Variants in CSN2 observed in about 807,000 individuals in gnomAD.
CSN2 encodes casein beta, also known as beta-casein.
CSN2 carries 27 observed loss-of-function variants against 27.3 expected under a neutral mutation model. That is an observed-to-expected ratio of 0.99 (90% CI 0.73 to 1.36). CSN2 has a LOEUF of 1.36. CSN2 is among the 40% of genes most tolerant of loss of function. CSN2 has a pLI of 0.00. For missense variants in CSN2, 333 were observed against 264.5 expected, an observed-to-expected ratio of 1.26 and a Z score of -1.80; for synonymous variants, 131 against 94.8, an observed-to-expected ratio of 1.38 and a Z score of -2.22.
rs1203185536 is a variant in CSN2, at chr4:69,955,452, A to G, written c.*177T>C. On this transcript the variant is annotated 3_prime_UTR_variant, in exon 8 of 8. Coordinates refer to ENST00000353151, the MANE Select transcript of CSN2 (RefSeq NM_001891.4). ...TAAATAGTTCATGAGTCAAATTTCAAATTAAATGAATGACATAATATATAA... is the reference window on the plus strand; with the variant it reads ...TAAATAGTTCATGAGTCAAATTTCAGATTAAATGAATGACATAATATATAA... The G allele has an allele frequency of 3.3e-5, 5 of 152,478 alleles. No homozygotes were observed. Among genetic ancestry groups the G allele is most frequent in the African/African-American group, 7.2e-5 (3 of 41,434 alleles). The allele number at this position is 152,478 out of a possible 1,614,324, so 9.4% of individuals were successfully genotyped here.
chr4:69,959,667 C>T (rs542000484), intron 3 of CSN2, among the ~76,000 whole-genome samples: 4 of 152,162 alleles, frequency 2.6e-5, no homozygotes, highest in African/African-American at 9.6e-5. Flanking sequence ...TACTACTTAG[C>T]AAGCTCTTAA....
intron 6 of CSN2, among the ~76,000 whole-genome samples, 178 bp from the exon 7 acceptor site, chr4:69,956,533 A>G (rs1380118556): frequency 6.6e-6 from 1 of 151,966 alleles, no homozygotes; most frequent in African/African-American, 2.4e-5. Flanking sequence ...TAAATAAATA[A>G]CCTCTTAGTA....
chr4:69,960,917 G>A (rs371872668), intron 2 of CSN2, 28 bp downstream of exon 2: 1 of 1,602,562 alleles, frequency 6.2e-7, no homozygotes. Context: ...TTTATTGATT[G>A]TTTAGGAATT....
Position 69,957,745 on chromosome 4 carries a change from G to T in CSN2, c.204C>A (p.Phe68Leu). The stretch of plus-strand genomic sequence containing the variant: ...GAAAACCATAGGGGATAGGTTCAAC[G>T]AATGGATAGATCAGAGGCTGTGGCT... Reference protein sequence around the residue: ...SFQPQPLIYPFVEPIPYGFLP... With the variant: ...SFQPQPLIYPLVEPIPYGFLP... The change falls in exon 6 of 8, where the codon TTC becomes TTA. Residue 68 changes from phenylalanine to leucine, a missense_variant. Phe to Leu is a conservative substitution (Grantham distance 22, BLOSUM62 0). Coordinates refer to ENST00000353151, the MANE Select transcript of CSN2 (RefSeq NM_001891.4). 6.2e-7 allele frequency: 1 copy of T among 1,613,946 alleles called. No individual in the cohort carries two copies. Among genetic ancestry groups the T allele is most frequent in the Non-Finnish European group, 8.5e-7 (1 of 1,179,944 alleles).
chr4:69,958,939 C>T lies in CSN2; in HGVS notation c.114G>A (p.Lys38=). ...CTTGCTGCTGGTCCTCATGTTTAAC[C>T]TTCTCAACTTTCTGCTAAAGATATA... is the stretch of plus-strand genomic sequence containing the variant. The part of the protein sequence containing the change: ...SITEYKQKVE[K]VKHEDQQQGE... The change falls in exon 5 of 8, where the codon AAG becomes AAA. Residue 38 remains lysine, a synonymous_variant. Transcript: ENST00000353151. The T allele has an allele frequency of 1.3e-6, 2 of 1,597,456 alleles. No individual in the cohort carries two copies. The highest frequency in any genetic ancestry group is 1.7e-6 in the Non-Finnish European group (2 of 1,168,750).
intron 5 of CSN2, 83 bp from the exon 6 acceptor site, chr4:69,957,887 C>T: frequency 8.2e-7 from 1 of 1,217,570 alleles, no homozygotes; most frequent in South Asian, 1.5e-5. Flanking sequence ...CTCTTTTAGA[C>T]AATGATAAAT....
At chr4:69,962,610 C>T (rs906552384) in intron 1 of CSN2, among the ~76,000 whole-genome samples, 156 of 152,084 alleles carry the variant, frequency 1.0e-3, no homozygotes, top group African/African-American at 3.7e-3. Context: ...ACTTACATGT[C>T]AGACCTAAAA....
In CSN2 at chr4:69,961,027, G is replaced by A. The variant is rs758287932; in HGVS notation, c.-12-20C>T. On this transcript the variant is annotated intron_variant, in intron 1 of 7. Coordinates refer to ENST00000353151, the MANE Select transcript of CSN2 (RefSeq NM_001891.4). ...TAAGTCCTGTGAATGTAGAAAAAAT[G>A]GAATGGTGGAAGATTGGTCAATTGG... The A allele has an allele frequency of 6.3e-7, 1 of 1,582,118 alleles. No individual in the cohort carries two copies. Among genetic ancestry groups the A allele is most frequent in the Non-Finnish European group, 8.7e-7 (1 of 1,151,866 alleles).
chr4:69,957,293 G>T lies in CSN2; in HGVS notation c.656C>A (p.Pro219Gln), dbSNP rs775088838. Reference sequence around the variant, plus strand: ...ACTTACACTAATGGGGTTATGAACTGGGGCAAGTGGCTGAGTCACAGGGTA... The same window carrying T: ...ACTTACACTAATGGGGTTATGAACTTGGGCAAGTGGCTGAGTCACAGGGTA... ...QIYPVTQPLA[P>Q]VHNPISV The change falls in exon 6 of 8, where the codon CCA becomes CAA. Residue 219 changes from proline (P) to glutamine (Q), a missense_variant. By Grantham distance (76) the Pro-to-Gln change is moderately conservative (BLOSUM62 -1). Coordinates refer to ENST00000353151, the MANE Select transcript of CSN2 (RefSeq NM_001891.4). 1.3e-6 allele frequency: 2 copies of T among 1,567,484 alleles called. No individual in the cohort carries two copies. Among genetic ancestry groups the T allele is most frequent in the South Asian group, 2.4e-5 (2 of 83,380 alleles).
Position 69,957,258 on chromosome 4 carries a change from GTAAA to G in CSN2, c.675+12_675+15del. Reference sequence around the variant, plus strand: ...CATCTTGAATGAAACAGCAAAGCCAGTAAATTTGGACTTACACTAATGGGGTTAT... The same window carrying G: ...CATCTTGAATGAAACAGCAAAGCCAGTTTGGACTTACACTAATGGGGTTAT... On this transcript the variant is annotated intron_variant, in intron 6 of 7. Transcript: ENST00000353151. 1 of 1,513,412 alleles carries G rather than the reference GTAAA, an allele frequency of 6.6e-7. No individual in the cohort carries two copies. The highest frequency in any genetic ancestry group is 8.8e-7 in the Non-Finnish European group (1 of 1,130,550). The allele number at this position is 1,513,412 out of a possible 1,614,324, so 93.7% of individuals were successfully genotyped here. A position where few individuals can be genotyped will look rare whatever the true frequency, so the allele number is the denominator to read the frequency against.
At chr4:69,964,017 A>C (rs1401396116) in intron 1 of CSN2, among the ~76,000 whole-genome samples, 1 of 152,074 alleles carries the variant, frequency 6.6e-6, no homozygotes, top group African/African-American at 2.4e-5. Context: ...CCTCATTTCC[A>C]ATAAGACTGA....
intron 3 of CSN2, 135 bp downstream of exon 3, chr4:69,959,918 C>A: frequency 1.5e-6 from 1 of 660,854 alleles, no homozygotes; most frequent in Non-Finnish European, 2.5e-6. Context: ...TGTCCTTAAA[C>A]ACACATAAAA....
chr4:69,964,364 T>C (rs899895834), intron 1 of CSN2, among the ~76,000 whole-genome samples: 2 of 152,084 alleles, frequency 1.3e-5, no homozygotes, highest in Non-Finnish European at 2.9e-5. Context: ...TTTTTTGTAA[T>C]TTATTTCAAA....
In CSN2 at chr4:69,960,954, A is replaced by G. The variant is rs1254520248; in HGVS notation, c.42T>C (p.Leu14=). The G allele has an allele frequency of 6.2e-7, 1 of 1,612,842 alleles. No individual in the cohort carries two copies. The highest frequency in any genetic ancestry group is 1.1e-5 in the South Asian group (1 of 91,024). ...LILACLVALA[L]ARETIESLSS... ...TTTCTTGTGCACATACCTCCCTTGC[A>G]AGAGCAAGAGCCACCAGGCAGGCGA... is the stretch of plus-strand genomic sequence containing the variant. The change falls in exon 2 of 8, where the codon CTT becomes CTC. Residue 14 remains leucine (L), a synonymous_variant. Transcript: ENST00000353151.
Position 69,960,087 on chromosome 4 carries a change from A to G in CSN2, c.52-8T>C, listed in dbSNP as rs201766036. The G allele has an allele frequency of 1.4e-5, 22 of 1,582,842 alleles. No homozygotes were observed. In the Middle Eastern group the frequency reaches 5.1e-4, roughly 36 times the overall value. On this transcript the variant is annotated splice_region_variant and splice_polypyrimidine_tract_variant and intron_variant, in intron 2 of 7. Coordinates refer to ENST00000353151, the MANE Select transcript of CSN2 (RefSeq NM_001891.4). Reference sequence around the variant, plus strand: ...TGAAAGGCTTTCTATGGTCTGTGGGAAAAAAAAATTGACAACCAGCTAAAT... The same window carrying G: ...TGAAAGGCTTTCTATGGTCTGTGGGGAAAAAAAATTGACAACCAGCTAAAT...
chr4:69,963,819 CCAGA>C (rs1395916664), intron 1 of CSN2, among the ~76,000 whole-genome samples: 1 of 152,072 alleles, frequency 6.6e-6, no homozygotes, highest in African/African-American at 2.4e-5. Flanking sequence ...TCTGTTCTTG[CCAGA>C]CACTGTCTAG....
chr4:69,958,913 C>A lies in CSN2; in HGVS notation c.140G>T (p.Gly47Val). The change falls in exon 5 of 8, where the codon GGA becomes GTA. Residue 47 changes from glycine (G) to valine (V), a missense_variant. Physicochemically the swap from Gly to Val is moderately radical, Grantham distance 109 (BLOSUM62 -3). Coordinates refer to ENST00000353151, the MANE Select transcript of CSN2 (RefSeq NM_001891.4). ...TACTTATCATTAACAAATTACCTCTCCTTGCTGCTGGTCCTCATGTTTAAC... is the reference window on the plus strand; with the variant it reads ...TACTTATCATTAACAAATTACCTCTACTTGCTGCTGGTCCTCATGTTTAAC... ...EKVKHEDQQQ[G>V]EDEHQDKIYP... 1 of 1,586,942 alleles carries A rather than the reference C, an allele frequency of 6.3e-7. No individual in the cohort carries two copies. Among genetic ancestry groups the A allele is most frequent in the Non-Finnish European group, 8.6e-7 (1 of 1,160,158 alleles).
At chr4:69,964,692 G>T (rs1255767722) in intron 1 of CSN2, among the ~76,000 whole-genome samples, 1 of 150,586 alleles carries the variant, frequency 6.6e-6, no homozygotes, top group Non-Finnish European at 1.5e-5. Flanking sequence ...TACACATAGG[G>T]AAGATCCCAC....
chr4:69,960,390 T>A (rs1029955745), intron 2 of CSN2, among the ~76,000 whole-genome samples: 6 of 151,488 alleles, frequency 4.0e-5, no homozygotes, highest in Non-Finnish European at 8.8e-5. Context: ...AGTAATCTAT[T>A]AATATATTTT....
Sources: gnomAD v4.1 joint callset for allele counts (sites outside exome capture counted in the v4.1 genomes callset) on GRCh38, gnomAD v4.1.1 for gene constraint, MANE v1.5 for transcripts, NCBI Gene and HGNC (gene_info 2026-07-23, HGNC 2026-07-21) for gene names.